The following NIPBL variants were observed in gnomAD, a reference collection of about 807,000 sequenced individuals.
NIPBL encodes the protein NIPBL cohesin loading factor, also known as nipped-B-like protein.
Under a neutral mutation model 321.8 loss-of-function variants are expected in NIPBL, and 19 were observed. The observed-to-expected ratio is 0.06, with a 90% CI of 0.04 to 0.09. The LOEUF (loss-of-function observed/expected upper bound fraction) is 0.09, where lower values mean the gene tolerates loss of function less well. Ranked by LOEUF, NIPBL falls within the 10% of genes least tolerant of loss-of-function variation. The probability of loss-of-function intolerance (pLI) is 1.00; values close to 1 mark genes in which losing one functional copy is unlikely to be tolerated. For synonymous variants in NIPBL, 1,106 were observed against 1,114.1 expected, an observed-to-expected ratio of 0.99 and a Z score of 0.14; for missense variants, 2,210 against 3,327.0, an observed-to-expected ratio of 0.66 and a Z score of 8.26.
At chr5:36,960,372 A>G (rs1181949205) in intron 4 of NIPBL, among the ~76,000 whole-genome samples, 2 of 145,116 alleles carry the variant, frequency 1.4e-5, no homozygotes, top group African/African-American at 5.0e-5. Flanking sequence ...AAAGAAAAAG[A>G]AAAAAAAAAA....
At chr5:36,925,272 C>T (rs933596130) in intron 1 of NIPBL, among the ~76,000 whole-genome samples, 16 of 145,586 alleles carry the variant, frequency 1.1e-4, no homozygotes, top group Non-Finnish European at 1.7e-4. Context: ...TAATTCATTA[C>T]TTTTTTTTTT....
chr5:36,878,601 TA>T (rs1481254155), intron 1 of NIPBL, among the ~76,000 whole-genome samples: 1 of 152,252 alleles, frequency 6.6e-6, no homozygotes, highest in African/African-American at 2.4e-5. Context: ...CATTGGTTCA[TA>T]TTTTTTGTGT....
chr5:37,052,873 A>G (rs1753717299), intron 42 of NIPBL, among the ~76,000 whole-genome samples: 7 of 152,190 alleles, frequency 4.6e-5, no homozygotes, highest in Admixed American at 4.6e-4. Context: ...CGCTTTGGGA[A>G]CCGATTACCT....
intron 1 of NIPBL, among the ~76,000 whole-genome samples, chr5:36,926,460 G>A (rs941688992): frequency 2.6e-5 from 4 of 152,160 alleles, no homozygotes; most frequent in Non-Finnish European, 2.9e-5. Context: ...TCGATTCAGC[G>A]GAGACATCAT....
chr5:36,955,961 C>T (rs1036243717), intron 3 of NIPBL, among the ~76,000 whole-genome samples: 2 of 151,770 alleles, frequency 1.3e-5, no homozygotes, highest in African/African-American at 4.8e-5. Context: ...GTGGCTTACA[C>T]CTGTAATCCC....
intron 1 of NIPBL, among the ~76,000 whole-genome samples, chr5:36,939,388 T>A (rs1266364329): frequency 6.6e-6 from 1 of 152,200 alleles, no homozygotes; most frequent in East Asian, 1.9e-4. Context: ...AAAAATGGAA[T>A]CATGTAGTTT....
At chr5:36,952,518 A>G (rs1267222691) in intron 1 of NIPBL, among the ~76,000 whole-genome samples, 1 of 152,176 alleles carries the variant, frequency 6.6e-6, no homozygotes, top group Non-Finnish European at 1.5e-5. Context: ...AGGACTTACC[A>G]AGTACTGTTA....
chr5:36,988,968 G>T (rs1191112305), intron 10 of NIPBL, among the ~76,000 whole-genome samples: 1 of 152,074 alleles, frequency 6.6e-6, no homozygotes, highest in African/African-American at 2.4e-5. Context: ...CATTTGATTT[G>T]ATTTCTGTGG....
chr5:36,910,687 T>A (rs1746900094), intron 1 of NIPBL, among the ~76,000 whole-genome samples: 1 of 152,098 alleles, frequency 6.6e-6, no homozygotes, highest in Non-Finnish European at 1.5e-5. Flanking sequence ...TTATCTTACC[T>A]TTTTTTAGTG....
intron 1 of NIPBL, among the ~76,000 whole-genome samples, chr5:36,948,126 C>T (rs1739892015): frequency 6.6e-6 from 1 of 151,914 alleles, no homozygotes; most frequent in South Asian, 2.1e-4. Flanking sequence ...ATGTACCCCC[C>T]TTTACCACAT....
intron 34 of NIPBL, among the ~76,000 whole-genome samples, chr5:37,039,700 C>G (rs976027414): frequency 6.6e-6 from 1 of 152,100 alleles, no homozygotes; most frequent in African/African-American, 2.4e-5. Flanking sequence ...AACTGTTTCT[C>G]TGCTGCATTT....
chr5:36,959,749 T>C (rs1741393120), intron 4 of NIPBL, among the ~76,000 whole-genome samples: 1 of 152,220 alleles, frequency 6.6e-6, no homozygotes, highest in Admixed American at 6.5e-5. Flanking sequence ...GATAAAAACT[T>C]TTAGAGTGTT....
intron 1 of NIPBL, among the ~76,000 whole-genome samples, chr5:36,905,904 A>G (rs965089678): frequency 1.2e-4 from 18 of 151,824 alleles, no homozygotes; most frequent in Non-Finnish European, 1.9e-4. Context: ...CACCACACCC[A>G]GCTAATTTTT....
At chr5:36,964,396 A>T (rs911551018) in intron 6 of NIPBL, among the ~76,000 whole-genome samples, 10 of 152,152 alleles carry the variant, frequency 6.6e-5, no homozygotes, top group African/African-American at 2.4e-4. Flanking sequence ...TAGCATAAAA[A>T]CACATAGACC....
intron 1 of NIPBL, chr5:36,885,385 C>A: frequency 2.2e-6 from 1 of 454,604 alleles, no homozygotes; most frequent in Non-Finnish European, 4.3e-6. Context: ...GCTTGGGGTC[C>A]AGGGGCCTGG....
chr5:36,937,647 A>G lies in NIPBL; in HGVS notation c.-79-15971A>G, dbSNP rs1003531706. Among the ~76,000 whole-genome samples, 3 of 152,176 alleles carry G rather than the reference A, an allele frequency of 2.0e-5. 1 individual carries two copies. The highest frequency in any genetic ancestry group is 4.1e-4 in the South Asian group (2 of 4,832). The stretch of plus-strand genomic sequence containing the variant: ...AGGACCTTCTCCATTATGTCATCCA[A>G]CGTCTTTCTGAGGACTTACTAGTGA... On this transcript the variant is annotated intron_variant, in intron 1 of 46. Coordinates refer to ENST00000282516, the MANE Select transcript of NIPBL (RefSeq NM_133433.4).
chr5:36,945,988 G>A (rs1339529958), intron 1 of NIPBL, among the ~76,000 whole-genome samples: 1 of 151,982 alleles, frequency 6.6e-6, no homozygotes, highest in Admixed American at 6.6e-5. Flanking sequence ...TAGCTATTTA[G>A]CATTTATATC....
In NIPBL at chr5:37,065,144, GAAA is replaced by G. The variant is rs937120136; in HGVS notation, c.*258_*260del. 4 of 484,932 alleles carry G rather than the reference GAAA, an allele frequency of 8.2e-6. No individual in the cohort carries two copies. In the East Asian group the frequency reaches 1.5e-4, roughly 18 times the overall value. The allele number at this position is 484,932 out of a possible 1,614,324, so 30.0% of individuals were successfully genotyped here. ...TTTAACAAAAATTGTTTATATCTTG[GAAA>G]AAAAACTTTCTGTTTAAAAAAAATA... On this transcript the variant is annotated 3_prime_UTR_variant, in exon 47 of 47. Transcript: ENST00000282516.
chr5:36,917,076 A>G (rs1240673660), intron 1 of NIPBL, among the ~76,000 whole-genome samples: 1 of 152,190 alleles, frequency 6.6e-6, no homozygotes, highest in Admixed American at 6.5e-5. Context: ...GAATTGCCAC[A>G]CTGTCTTCCA....
Sources: allele counts gnomAD v4.1 joint callset (sites outside exome capture counted in the v4.1 genomes callset), GRCh38; gene constraint gnomAD v4.1.1; transcripts MANE v1.5; gene names NCBI Gene and HGNC (gene_info 2026-07-23, HGNC 2026-07-21).